UBE2G1: variants seen among roughly 807,000 people sequenced by gnomAD.
UBE2G1 encodes the protein ubiquitin conjugating enzyme E2 G1.
A neutral mutation model predicts 22.7 loss-of-function variants in UBE2G1; 5 were observed. The observed-to-expected ratio is 0.22, with a 90% CI of 0.12 to 0.46. The LOEUF is 0.46. Ranked by LOEUF, UBE2G1 falls within the 20% of genes least tolerant of loss-of-function variation. The pLI is 0.99. For synonymous variants in UBE2G1, 74 were observed against 67.5 expected (o/e 1.10, Z -0.47); for missense variants, 88 against 203.9 (o/e 0.43, Z 3.46).
intron 1 of UBE2G1, among the ~76,000 whole-genome samples, chr17:4,352,588 A>T (rs964962947): frequency 6.6e-6 from 1 of 152,196 alleles, no homozygotes; most frequent in Non-Finnish European, 1.5e-5. Flanking sequence ...AGAAGAAAAC[A>T]ATGTTAATTT....
intron 1 of UBE2G1, among the ~76,000 whole-genome samples, chr17:4,348,602 G>A (rs984748168): frequency 4.0e-5 from 6 of 149,026 alleles, no homozygotes; most frequent in South Asian, 2.1e-4. Flanking sequence ...AATGGCTCAT[G>A]CCTGTAATCC....
At chr17:4,335,632 T>A (rs760001680) in intron 1 of UBE2G1, among the ~76,000 whole-genome samples, 1 of 152,230 alleles carries the variant, frequency 6.6e-6, no homozygotes, top group African/African-American at 2.4e-5. Context: ...TATTCTAAGA[T>A]GTACCTTTTT....
intron 1 of UBE2G1, among the ~76,000 whole-genome samples, chr17:4,344,163 A>G (rs1320336309): frequency 6.6e-6 from 1 of 152,188 alleles, no homozygotes; most frequent in Non-Finnish European, 1.5e-5. Context: ...GCATACCAAG[A>G]AAAAAAGCAA....
At chr17:4,359,542 G>T (rs1297571045) in intron 1 of UBE2G1, among the ~76,000 whole-genome samples, 7 of 152,192 alleles carry the variant, frequency 4.6e-5, no homozygotes, top group Non-Finnish European at 1.0e-4. Flanking sequence ...GTTTCTATGA[G>T]GGCCAGAATC....
intron 1 of UBE2G1, among the ~76,000 whole-genome samples, chr17:4,359,005 ACT>A (rs1331114730): frequency 9.9e-5 from 15 of 152,076 alleles, no homozygotes; most frequent in Non-Finnish European, 2.2e-4. Context: ...GCCTAGCATT[ACT>A]CTGTCTTAAC....
rs529737722 is a variant in UBE2G1, at chr17:4,298,181, C to T, written c.150-1367G>A. Among the ~76,000 whole-genome samples the T allele has an allele frequency of 9.9e-5, 15 of 152,236 alleles. 1 individual carries two copies. The South Asian group carries it at 1.9e-3, about 19-fold the overall frequency. Reference sequence around the variant, plus strand: ...TGTCTTTAAAGAAAAAGTGGGAGGCCGGACACAGTGGCTCATGCCTGTAAT... The same window carrying T: ...TGTCTTTAAAGAAAAAGTGGGAGGCTGGACACAGTGGCTCATGCCTGTAAT... On this transcript the variant is annotated intron_variant, in intron 2 of 5. Coordinates refer to ENST00000396981, the MANE Select transcript of UBE2G1 (RefSeq NM_003342.5).
intron 1 of UBE2G1, among the ~76,000 whole-genome samples, chr17:4,349,403 A>G (rs889261375): frequency 3.9e-5 from 6 of 152,228 alleles, no homozygotes; most frequent in African/African-American, 1.2e-4. Flanking sequence ...ACCTGCCGTC[A>G]TAACTGGCTG....
chr17:4,324,464 A>C (rs1969478350), intron 1 of UBE2G1, among the ~76,000 whole-genome samples: 1 of 152,188 alleles, frequency 6.6e-6, no homozygotes, highest in Non-Finnish European at 1.5e-5. Context: ...TACATTTCTA[A>C]ATGTGGTTAC....
At chr17:4,323,750 T>C (rs1187247585) in intron 1 of UBE2G1, among the ~76,000 whole-genome samples, 1 of 152,204 alleles carries the variant, frequency 6.6e-6, no homozygotes, top group Non-Finnish European at 1.5e-5. Flanking sequence ...GGTTTCACCA[T>C]GGGCATCATG....
chr17:4,300,076 T>C (rs967601621), intron 2 of UBE2G1, among the ~76,000 whole-genome samples: 6 of 79,580 alleles, frequency 7.5e-5, no homozygotes, highest in African/African-American at 2.5e-4. Flanking sequence ...CCACCGCACC[T>C]GGCCTACCTG....
chr17:4,333,818 C>CA (rs897454656), intron 1 of UBE2G1, among the ~76,000 whole-genome samples: 84 of 143,516 alleles, frequency 5.9e-4, no homozygotes, highest in African/African-American at 1.0e-3. Flanking sequence ...GACTCCGTCT[C>CA]AAAAAAAAAA....
chr17:4,317,674 T>A (rs891017594), intron 1 of UBE2G1, among the ~76,000 whole-genome samples: 3 of 152,234 alleles, frequency 2.0e-5, no homozygotes, highest in Non-Finnish European at 4.4e-5. Flanking sequence ...TTGGCAGAAT[T>A]CTGGACCACA....
At chr17:4,330,683 G>A (rs1033788307) in intron 1 of UBE2G1, among the ~76,000 whole-genome samples, 3 of 152,066 alleles carry the variant, frequency 2.0e-5, no homozygotes, top group African/African-American at 7.2e-5. Context: ...GTTGCGGTGA[G>A]CCAAGATCGC....
intron 1 of UBE2G1, among the ~76,000 whole-genome samples, chr17:4,317,797 T>C (rs952243317): frequency 2.0e-5 from 3 of 152,236 alleles, no homozygotes; most frequent in African/African-American, 7.2e-5. Flanking sequence ...CTAAGTACGT[T>C]GTTGCTTGTG....
chr17:4,281,343 A>G (rs966158849), intron 5 of UBE2G1, among the ~76,000 whole-genome samples: 2 of 152,248 alleles, frequency 1.3e-5, no homozygotes, highest in African/African-American at 2.4e-5. Context: ...TTGTTTAAAC[A>G]TGCAAATTTG....
intron 3 of UBE2G1, among the ~76,000 whole-genome samples, chr17:4,292,257 C>T (rs1456184547): frequency 1.1e-4 from 15 of 139,892 alleles, no homozygotes; most frequent in African/African-American, 3.5e-4. Flanking sequence ...ACCTGGGAGG[C>T]GGAGGTTGCA....
chr17:4,319,467 G>A (rs1301221459), intron 1 of UBE2G1, among the ~76,000 whole-genome samples: 3 of 152,202 alleles, frequency 2.0e-5, no homozygotes, highest in Non-Finnish European at 2.9e-5. Flanking sequence ...CAGGCATGGT[G>A]GCTCATGCCT....
At chr17:4,293,574 T>C (rs1029387915) in intron 3 of UBE2G1, among the ~76,000 whole-genome samples, 1 of 152,302 alleles carries the variant, frequency 6.6e-6, no homozygotes, top group Admixed American at 6.5e-5. Context: ...GTAACTATGC[T>C]TAACCTTTTG....
chr17:4,286,375 A>G (rs1330054696), intron 4 of UBE2G1, among the ~76,000 whole-genome samples: 2 of 150,906 alleles, frequency 1.3e-5, no homozygotes, highest in Non-Finnish European at 2.9e-5. Flanking sequence ...ACTGCACCCC[A>G]GCCTGAGTAA....
Sources: gnomAD v4.1 joint callset for allele counts (sites outside exome capture counted in the v4.1 genomes callset) on GRCh38, gnomAD v4.1.1 for gene constraint, MANE v1.5 for transcripts, NCBI Gene and HGNC (gene_info 2026-07-23, HGNC 2026-07-21) for gene names.